Variants in C13orf42 observed in about 807,000 individuals in gnomAD.
C13orf42 encodes the protein uncharacterized protein C13orf42.
chr13:51,084,968 A>T (rs1224075498), intron 3 of C13orf42, among the ~76,000 whole-genome samples: 1 of 151,978 alleles, frequency 6.6e-6, no homozygotes, highest in Non-Finnish European at 1.5e-5. Context: ...TGCTCTGTTG[A>T]ACCTCAAACT....
At chr13:51,157,756 A>G (rs893949754) in intron 1 of C13orf42, among the ~76,000 whole-genome samples, 2 of 152,222 alleles carry the variant, frequency 1.3e-5, no homozygotes, top group Non-Finnish European at 2.9e-5. Context: ...TTAGATAAAT[A>G]AAGCAGGGTC....
chr13:51,103,509 T>C (rs1168819818), intron 1 of C13orf42, among the ~76,000 whole-genome samples: 1 of 152,122 alleles, frequency 6.6e-6, no homozygotes, highest in African/African-American at 2.4e-5. Context: ...GAGACCAGCC[T>C]GGCCAACATA....
At chr13:51,114,265 AG>A (rs1038987056), upstream of C13orf42, among the ~76,000 whole-genome samples, 2 of 152,210 alleles carry the variant, frequency 1.3e-5, no homozygotes, top group African/African-American at 4.8e-5. Context: ...TACCAGCTTA[AG>A]AAAGTTATTT....
intron 1 of C13orf42, chr13:51,162,311 T>G: frequency 5.4e-6 from 1 of 186,696 alleles, no homozygotes; most frequent in Admixed American, 5.1e-5. Context: ...ACAGTAGGCC[T>G]TATACTTGAC....
intron 1 of C13orf42, among the ~76,000 whole-genome samples, chr13:51,105,476 A>T (rs2137996263): frequency 6.6e-6 from 1 of 152,370 alleles, no homozygotes; most frequent in African/African-American, 2.4e-5. Context: ...GGCATCACTA[A>T]CCACATCACA....
chr13:51,155,268 G>A (rs1257400635), intron 1 of C13orf42, among the ~76,000 whole-genome samples: 1 of 152,158 alleles, frequency 6.6e-6, no homozygotes, highest in Non-Finnish European at 1.5e-5. Context: ...GGGTTTTAAA[G>A]ATAACTTTTT....
intron 1 of C13orf42, among the ~76,000 whole-genome samples, chr13:51,123,159 G>GCA (rs1953549881): frequency 6.6e-6 from 1 of 152,212 alleles, no homozygotes; most frequent in Non-Finnish European, 1.5e-5. Context: ...AGGGACCCTA[G>GCA]CACTGCTCAT....
intron 1 of C13orf42, among the ~76,000 whole-genome samples, chr13:51,155,921 C>T (rs780547548): frequency 1.3e-5 from 2 of 152,154 alleles, no homozygotes; most frequent in Non-Finnish European, 2.9e-5. Context: ...GAGATCCAGG[C>T]AGAAAACCTG....
chr13:51,089,340 C>A (rs949638287), intron 1 of C13orf42, among the ~76,000 whole-genome samples: 1 of 152,062 alleles, frequency 6.6e-6, no homozygotes, highest in African/African-American at 2.4e-5. Context: ...CAATATACAC[C>A]TTGATATGAT....
chr13:51,108,630 G>T (rs997794402), intron 1 of C13orf42, among the ~76,000 whole-genome samples: 1 of 152,222 alleles, frequency 6.6e-6, no homozygotes, highest in Non-Finnish European at 1.5e-5. Flanking sequence ...CCTGGTATGT[G>T]CTAGGAACAA....
chr13:51,098,596 C>T (rs140171119), intron 1 of C13orf42, among the ~76,000 whole-genome samples: 161 of 152,282 alleles, frequency 1.1e-3, no homozygotes, highest in African/African-American at 3.7e-3. Flanking sequence ...ATAACACTCA[C>T]AAATATGACA....
At chr13:51,153,020 T>G (rs1953791808) in intron 1 of C13orf42, among the ~76,000 whole-genome samples, 1 of 152,202 alleles carries the variant, frequency 6.6e-6, no homozygotes, top group Non-Finnish European at 1.5e-5. Context: ...CTGTATACAG[T>G]GCACTTGCCC....
intron 1 of C13orf42, among the ~76,000 whole-genome samples, chr13:51,121,814 C>T (rs537082937): frequency 3.3e-5 from 5 of 152,206 alleles, no homozygotes; most frequent in African/African-American, 7.2e-5. Flanking sequence ...GAATTACGGG[C>T]GTGAGCCACC....
chr13:51,133,713 T>G (rs1041923570), intron 1 of C13orf42, among the ~76,000 whole-genome samples: 1 of 152,200 alleles, frequency 6.6e-6, no homozygotes, highest in Non-Finnish European at 1.5e-5. Flanking sequence ...CTGTGTGCAC[T>G]GAGGTCTGAT....
At chr13:51,139,887 A>T (rs1014898118) in intron 1 of C13orf42, among the ~76,000 whole-genome samples, 57 of 152,194 alleles carry the variant, frequency 3.7e-4, no homozygotes, top group African/African-American at 1.3e-3. Flanking sequence ...CTTTCCTAAT[A>T]AACTTGCTTT....
chr13:51,156,410 C>G (rs1194032835), intron 1 of C13orf42, among the ~76,000 whole-genome samples: 1 of 152,192 alleles, frequency 6.6e-6, no homozygotes, highest in Non-Finnish European at 1.5e-5. Flanking sequence ...ATAGCTGCCA[C>G]TACGCCCTTT....
intron 1 of C13orf42, among the ~76,000 whole-genome samples, chr13:51,101,282 A>G (rs1157901811): frequency 6.6e-6 from 1 of 152,238 alleles, no homozygotes; most frequent in Admixed American, 6.5e-5. Context: ...CCTAAAAATT[A>G]TACAGTGAGT....
At chr13:51,124,950 ATTT>A (rs147861697) in intron 1 of C13orf42, among the ~76,000 whole-genome samples, 7,799 of 151,564 alleles carry the variant, frequency 0.051, 628 homozygotes, top group African/African-American at 0.17. Context: ...GGTTAAATGA[ATTT>A]TTTTTTCCTT....
chr13:51,147,881 G>C (rs1267260241), intron 1 of C13orf42, among the ~76,000 whole-genome samples: 2 of 152,208 alleles, frequency 1.3e-5, no homozygotes, highest in Non-Finnish European at 2.9e-5. Flanking sequence ...GAACGGGTCT[G>C]TGGCTAATAA....
Sources: allele counts gnomAD v4.1 joint callset (sites outside exome capture counted in the v4.1 genomes callset), GRCh38; gene constraint gnomAD v4.1.1; transcripts MANE v1.5; gene names NCBI Gene and HGNC (gene_info 2026-07-23, HGNC 2026-07-21).